The following CHCHD6 variants were observed in gnomAD, a reference collection of about 807,000 sequenced individuals.
CHCHD6 encodes the protein MICOS complex subunit MIC25.
In CHCHD6, 28 loss-of-function variants were observed where a neutral mutation model predicts 32.3. That is an observed-to-expected ratio of 0.87 (90% confidence interval 0.64 to 1.19). The LOEUF (loss-of-function observed/expected upper bound fraction) is 1.19. Ranked by LOEUF, CHCHD6 falls within the 50% of genes most tolerant of loss-of-function variation. CHCHD6 has a pLI of 0.00. For synonymous variants in CHCHD6, 122 were observed against 117.5 expected, an observed-to-expected ratio of 1.04 and a Z score of -0.25; for missense variants, 333 against 307.0, an observed-to-expected ratio of 1.08 and a Z score of -0.63.
At chr3:126,755,092 G>A (rs1213320242) in intron 4 of CHCHD6, among the ~76,000 whole-genome samples, 2 of 152,170 alleles carry the variant, frequency 1.3e-5, no homozygotes, top group African/African-American at 2.4e-5. Context: ...TGGCTCTAGC[G>A]AGGGCAGAGG....
intron 4 of CHCHD6, among the ~76,000 whole-genome samples, chr3:126,782,239 T>C (rs1198855705): frequency 1.3e-5 from 2 of 152,232 alleles, no homozygotes; most frequent in African/African-American, 4.8e-5. Context: ...AATTGAATAA[T>C]GAAGGGGCTG....
chr3:126,815,643 G>GC (rs11341202), intron 4 of CHCHD6, among the ~76,000 whole-genome samples: 1,678 of 127,606 alleles, frequency 0.013, 28 homozygotes, highest in Non-Finnish European at 0.017. Flanking sequence ...GTGGGTTCTT[G>GC]CCCCCCCCCC....
At chr3:126,898,910 A>G (rs768968199) in intron 5 of CHCHD6, among the ~76,000 whole-genome samples, 1 of 152,248 alleles carries the variant, frequency 6.6e-6, no homozygotes, top group African/African-American at 2.4e-5. Flanking sequence ...ATTTCACCTC[A>G]GTAAATATTA....
chr3:126,779,662 ACT>A (rs1188451133), intron 4 of CHCHD6, among the ~76,000 whole-genome samples: 1 of 152,072 alleles, frequency 6.6e-6, no homozygotes, highest in Non-Finnish European at 1.5e-5. Flanking sequence ...CACAAACAAA[ACT>A]CTGGATATCC....
chr3:126,881,126 TG>T (rs1466294635), intron 5 of CHCHD6, among the ~76,000 whole-genome samples: 1 of 152,264 alleles, frequency 6.6e-6, no homozygotes, highest in African/African-American at 2.4e-5. Flanking sequence ...AGTTAATGGC[TG>T]CCAAGCCCGC....
At chr3:126,740,347 A>G (rs994186558) in intron 4 of CHCHD6, among the ~76,000 whole-genome samples, 1 of 152,280 alleles carries the variant, frequency 6.6e-6, no homozygotes, top group East Asian at 1.9e-4. Flanking sequence ...GGCCCTGTGC[A>G]CTGGTGCCTT....
At chr3:126,728,325 G>GA (rs2107657320) in intron 2 of CHCHD6, among the ~76,000 whole-genome samples, 1 of 152,344 alleles carries the variant, frequency 6.6e-6, no homozygotes, top group African/African-American at 2.4e-5. Context: ...GCTCACGGGA[G>GA]AAGAGGGACT....
At chr3:126,735,950 A>G (rs1240274777) in intron 4 of CHCHD6, among the ~76,000 whole-genome samples, 2 of 152,226 alleles carry the variant, frequency 1.3e-5, no homozygotes, top group Non-Finnish European at 2.9e-5. Flanking sequence ...AATACTCAGT[A>G]CAAACAGAGG....
chr3:126,864,633 C>T (rs567983884), intron 5 of CHCHD6, among the ~76,000 whole-genome samples: 26 of 151,202 alleles, frequency 1.7e-4, no homozygotes, highest in African/African-American at 6.1e-4. Context: ...TTCTCCTCCA[C>T]CACCATTACC....
intron 6 of CHCHD6, among the ~76,000 whole-genome samples, chr3:126,943,243 A>G (rs557947367): frequency 2.6e-4 from 40 of 152,124 alleles, no homozygotes; most frequent in Non-Finnish European, 5.9e-4. Flanking sequence ...TTCTGCTGGG[A>G]GGGAAAAGGA....
Position 126,852,674 on chromosome 3 carries a change from G to C in CHCHD6, c.439G>C (p.Glu147Gln). 3 of 1,613,908 alleles carry C rather than the reference G, an allele frequency of 1.9e-6. No individual in the cohort carries two copies. The highest frequency in any genetic ancestry group is 2.5e-6 in the Non-Finnish European group (3 of 1,179,858). Residue 147 changes from glutamate to glutamine, a missense_variant, in exon 5 of 8, where the codon GAG (glutamate) becomes CAG (glutamine). Glu to Gln is a conservative substitution (Grantham distance 29). Coordinates refer to ENST00000290913, the MANE Select transcript of CHCHD6 (RefSeq NM_032343.3). Reference protein sequence around the residue: ...LARELESREAELRRRDTFYKE... With the variant: ...LARELESREAQLRRRDTFYKE... ...CAGGGAGCTGGAGAGCAGAGAGGCA[G>C]AGCTAAGACGCCGTGACACCTTCTA... is the stretch of plus-strand genomic sequence containing the variant.
At chr3:126,806,468 C>T (rs1280803038) in intron 4 of CHCHD6, among the ~76,000 whole-genome samples, 2 of 152,108 alleles carry the variant, frequency 1.3e-5, no homozygotes, top group Admixed American at 6.5e-5. Flanking sequence ...CACTGGCCAT[C>T]AGAGAAATGC....
At chr3:126,719,733 G>A (rs192627883) in intron 1 of CHCHD6, among the ~76,000 whole-genome samples, 1 of 152,312 alleles carries the variant, frequency 6.6e-6, no homozygotes, top group Admixed American at 6.5e-5. Context: ...CCCTTTCAGT[G>A]CTGTTGCTCA....
intron 1 of CHCHD6, among the ~76,000 whole-genome samples, chr3:126,716,178 T>G (rs1247494201): frequency 6.6e-6 from 1 of 152,212 alleles, no homozygotes; most frequent in African/African-American, 2.4e-5. Flanking sequence ...GCTTCCTTGG[T>G]TTGCCATCCA....
chr3:126,798,080 A>C (rs1377644564), intron 4 of CHCHD6, among the ~76,000 whole-genome samples: 3 of 152,108 alleles, frequency 2.0e-5, no homozygotes, highest in Non-Finnish European at 4.4e-5. Flanking sequence ...TCACAGTTTG[A>C]AGCACAGAAT....
chr3:126,837,457 C>T (rs1940906644), intron 4 of CHCHD6, among the ~76,000 whole-genome samples: 2 of 152,088 alleles, frequency 1.3e-5, no homozygotes, highest in African/African-American at 2.4e-5. Flanking sequence ...ACTCGGGAGG[C>T]TGAAGTGGGA....
intron 6 of CHCHD6, among the ~76,000 whole-genome samples, chr3:126,942,864 T>G (rs2078580341): frequency 6.6e-6 from 1 of 152,192 alleles, no homozygotes; most frequent in Non-Finnish European, 1.5e-5. Flanking sequence ...TATGTAGATG[T>G]GTGTGCATGT....
At position 126,755,104 on chromosome 3, in the gene CHCHD6, A is replaced by C. The variant is rs143521059; in HGVS notation, c.411+21882A>C. Among the ~76,000 whole-genome samples, 161 of 152,316 alleles carry C rather than the reference A, an allele frequency of 1.1e-3. No homozygotes were observed. The South Asian group carries it at 0.011, about 10-fold the overall frequency. The stretch of plus-strand genomic sequence containing the variant: ...TTCTGGCTCTAGCGAGGGCAGAGGA[A>C]AGTGGATTGGGCATAAGCAGTGCCA... On this transcript the variant is annotated intron_variant, in intron 4 of 7. Transcript: ENST00000290913.
At chr3:126,798,307 C>T (rs775985697) in intron 4 of CHCHD6, among the ~76,000 whole-genome samples, 19 of 152,066 alleles carry the variant, frequency 1.2e-4, no homozygotes, top group Non-Finnish European at 2.4e-4. Flanking sequence ...ATTCTTTGAC[C>T]ATCCACTTAG....
Sources: allele counts gnomAD v4.1 joint callset (sites outside exome capture counted in the v4.1 genomes callset), GRCh38; gene constraint gnomAD v4.1.1; transcripts MANE v1.5; gene names NCBI Gene and HGNC (gene_info 2026-07-23, HGNC 2026-07-21).